The following EVI2B variants were observed in gnomAD, a reference collection of about 807,000 sequenced individuals.
EVI2B encodes ecotropic viral integration site 2B.
A neutral mutation model predicts 6.6 loss-of-function variants in EVI2B; 4 were observed. The ratio of observed to expected loss-of-function variants is 0.61; its 90% confidence interval spans 0.30 to 1.39. The LOEUF (loss-of-function observed/expected upper bound fraction) is 1.39, where lower values mean the gene tolerates loss of function less well. EVI2B is among the 40% of genes most tolerant of loss of function. The pLI is 0.08. For synonymous variants in EVI2B, 181 were observed against 186.8 expected (o/e 0.97, Z 0.25); for missense variants, 484 against 516.6 (o/e 0.94, Z 0.61).
rs936221067 is a variant in EVI2B at position 31,304,202 on chromosome 17, C to T, written c.*61G>A. 6.8e-7 allele frequency: 1 copy of T among 1,466,938 alleles called. No homozygotes were observed. Among genetic ancestry groups the T allele is most frequent in the Non-Finnish European group, 9.2e-7 (1 of 1,089,590 alleles). 90.9% of individuals were successfully genotyped at this position (1,466,938 alleles called of 1,614,324 possible). On this transcript the variant is annotated 3_prime_UTR_variant, in exon 2 of 2. Transcript: ENST00000330927. ...TCAGTTGCCATTTTATATATGTTAACATATAAAGAAAAAAGAGTCATTTGA... is the reference window on the plus strand; with the variant it reads ...TCAGTTGCCATTTTATATATGTTAATATATAAAGAAAAAAGAGTCATTTGA...
At chr17:31,313,722 ATGTG>A (rs60267436) in intron 1 of EVI2B, among the ~76,000 whole-genome samples, 13,693 of 138,918 alleles carry the variant, frequency 0.099, 1,774 homozygotes, top group African/African-American at 0.31. Flanking sequence ...AAAAAAAAAT[ATGTG>A]TGTGTGTGTG....
rs554690318 is a variant in EVI2B, at chr17:31,311,360, G to A, written c.-22+2619C>T. Among the ~76,000 whole-genome samples, 7 of 152,308 alleles carry A rather than the reference G, an allele frequency of 4.6e-5. No homozygotes were observed. In the South Asian group the frequency reaches 1.4e-3, roughly 32 times the overall value. On this transcript the variant is annotated intron_variant, in intron 1 of 1. Coordinates refer to ENST00000330927, the MANE Select transcript of EVI2B (RefSeq NM_006495.4). ...AGGAAGTATGCCATTATCTTTTAAA[G>A]AGAATCAAGATTTGGAGAGCATATC...
rs1408556565 is a variant in EVI2B, at chr17:31,304,282, G to A, written c.1328C>T (p.Pro443Leu). 1 of 1,610,704 alleles carries A rather than the reference G, an allele frequency of 6.2e-7. No individual in the cohort carries two copies. Among genetic ancestry groups the A allele is most frequent in the South Asian group, 1.1e-5 (1 of 90,600 alleles). Residue 443 changes from proline to leucine, a missense_variant, in exon 2 of 2, where the codon CCA becomes CTA. Coordinates refer to ENST00000330927, the MANE Select transcript of EVI2B (RefSeq NM_006495.4). ...DQDLNESLPP[P>L]PAELL Reference sequence around the variant, plus strand: ...TAATATTTATAACAGTTCTGCAGGTGGAGGTGGCAGGGATTCATTAAGATC... The same window carrying A: ...TAATATTTATAACAGTTCTGCAGGTAGAGGTGGCAGGGATTCATTAAGATC...
In EVI2B at chr17:31,304,788, G is replaced by T. The variant is rs1225776340; in HGVS notation, c.822C>A (p.Pro274=). 1 of 1,613,970 alleles carries T rather than the reference G, an allele frequency of 6.2e-7. No individual in the cohort carries two copies. The highest frequency in any genetic ancestry group is 8.5e-7 in the Non-Finnish European group (1 of 1,180,002). Residue 274 remains proline (P), a synonymous_variant, in exon 2 of 2, where the codon CCC becomes CCA. Transcript: ENST00000330927. The stretch of plus-strand genomic sequence containing the variant: ...AAAGTGTGCTTTTGCTTGGTTTCCA[G>T]GGTGTAAGTGAAATGATTGATGTAC... The part of the protein sequence containing the change: ...TKRTSIISLT[P]WKPSKSTLLA...
rs759551298 is a variant in EVI2B at position 31,304,945 on chromosome 17, A to G, written c.665T>C (p.Ile222Thr). The change falls in exon 2 of 2, where the codon ATT becomes ACT. Residue 222 changes from isoleucine to threonine, a missense_variant. Physicochemically the swap from Ile to Thr is moderately conservative, Grantham distance 89. Transcript: ENST00000330927. ...LTSMLVAIII[I>T]VLWKCLRKPV... ...TTTCCTTAAGCATTTCCAAAGTACA[A>G]TGATGATTATAGCTACCAACATAGA... The G allele has an allele frequency of 6.2e-7, 1 of 1,614,150 alleles. No individual in the cohort carries two copies. The highest frequency in any genetic ancestry group is 8.5e-7 in the Non-Finnish European group (1 of 1,180,026).
In EVI2B at chr17:31,304,090, T is replaced by C; in HGVS notation, c.*173A>G. Reference sequence around the variant, plus strand: ...AATTAGTAAATAGATTACTGTTAAATAACTTTTTTTAAAAAAAAGTTTCAT... The same window carrying C: ...AATTAGTAAATAGATTACTGTTAAACAACTTTTTTTAAAAAAAAGTTTCAT... On this transcript the variant is annotated 3_prime_UTR_variant, in exon 2 of 2. Transcript: ENST00000330927. The C allele has an allele frequency of 1.8e-6, 1 of 564,370 alleles. No homozygotes were observed. Among genetic ancestry groups the C allele is most frequent in the Non-Finnish European group, 3.0e-6 (1 of 330,012 alleles). The allele number at this position is 564,370 out of a possible 1,614,324, so 35.0% of individuals were successfully genotyped here.
intron 1 of EVI2B, among the ~76,000 whole-genome samples, chr17:31,306,701 A>C (rs1363011925): frequency 1.3e-5 from 2 of 152,112 alleles, no homozygotes; most frequent in Non-Finnish European, 2.9e-5. Context: ...GGTGGAGTAA[A>C]TTCAATCCAG....
chr17:31,312,952 A>G, intron 1 of EVI2B, among the ~76,000 whole-genome samples: 1 of 152,166 alleles, frequency 6.6e-6, no homozygotes, highest in East Asian at 1.9e-4. Flanking sequence ...CTTCTATCTT[A>G]TACTATGTTC....
At position 31,313,487 on chromosome 17, in the gene EVI2B, C is replaced by T. The variant is rs17883446; in HGVS notation, c.-22+492G>A. 9.0e-3 allele frequency among the ~76,000 whole-genome samples: 1,373 copies of T among 151,920 alleles called. 20 individuals are homozygous for T. The highest frequency in any genetic ancestry group is 0.032 in the African/African-American group (1,316 of 41,450). On this transcript the variant is annotated intron_variant, in intron 1 of 1. Transcript: ENST00000330927. ...GGGAGGCGGAGGTAAGCGGATCACCCAAGGTCAGGAGTAGGAGACCAGCCT... is the reference window on the plus strand; with the variant it reads ...GGGAGGCGGAGGTAAGCGGATCACCTAAGGTCAGGAGTAGGAGACCAGCCT...
chr17:31,312,604 A>T (rs2068907315), intron 1 of EVI2B, among the ~76,000 whole-genome samples: 1 of 152,050 alleles, frequency 6.6e-6, no homozygotes, highest in Admixed American at 6.5e-5. Flanking sequence ...ATGAAATATG[A>T]CAGTGAAAAA....
At chr17:31,309,142 G>A (rs1227823291) in intron 1 of EVI2B, among the ~76,000 whole-genome samples, 2 of 152,176 alleles carry the variant, frequency 1.3e-5, no homozygotes, top group Admixed American at 1.3e-4. Flanking sequence ...GACAGATTGG[G>A]AGTTTGTACC....
chr17:31,306,697 G>A (rs1174226903), intron 1 of EVI2B, among the ~76,000 whole-genome samples: 1 of 151,908 alleles, frequency 6.6e-6, no homozygotes, highest in Non-Finnish European at 1.5e-5. Context: ...ATCTGGTGGA[G>A]TAAATTCAAT....
chr17:31,312,564 A>G lies in EVI2B; in HGVS notation c.-22+1415T>C, dbSNP rs182699728. Among the ~76,000 whole-genome samples, 55 of 151,936 alleles carry G rather than the reference A, an allele frequency of 3.6e-4. 1 individual carries two copies. The highest frequency in any genetic ancestry group is 3.1e-3 in the Admixed American group (47 of 15,258). On this transcript the variant is annotated intron_variant, in intron 1 of 1. Transcript: ENST00000330927. ...TGGGATTCTATGACAAAAACACACCATAAGGATCGATGGGAAATTTTTTAA... is the reference window on the plus strand; with the variant it reads ...TGGGATTCTATGACAAAAACACACCGTAAGGATCGATGGGAAATTTTTTAA...
intron 1 of EVI2B, among the ~76,000 whole-genome samples, chr17:31,312,997 T>C (rs987027621): frequency 1.3e-5 from 2 of 152,192 alleles, no homozygotes; most frequent in African/African-American, 2.4e-5. Context: ...AACACGTAGA[T>C]GATATTAATA....
chr17:31,305,606 C>G lies in EVI2B; in HGVS notation c.4G>C (p.Asp2His). The G allele has an allele frequency of 6.2e-7, 1 of 1,610,648 alleles. No individual in the cohort carries two copies. The highest frequency in any genetic ancestry group is 8.5e-7 in the Non-Finnish European group (1 of 1,178,052). M[D>H]PKYFILILFC... ...AAAATTAAGATGAAATATTTGGGAT[C>G]CATTTCAGAATATTTCCTCGTTATC... The change falls in exon 2 of 2, where the codon GAT (aspartate) becomes CAT (histidine). Residue 2 changes from aspartate to histidine, a missense_variant. By Grantham distance (81) the Asp-to-His change is moderately conservative. Coordinates refer to ENST00000330927, the MANE Select transcript of EVI2B (RefSeq NM_006495.4).
chr17:31,304,084 G>C lies in EVI2B; in HGVS notation c.*179C>G. On this transcript the variant is annotated 3_prime_UTR_variant, in exon 2 of 2. Coordinates refer to ENST00000330927, the MANE Select transcript of EVI2B (RefSeq NM_006495.4). ...TACTATAATTAGTAAATAGATTACT[G>C]TTAAATAACTTTTTTTAAAAAAAAG... 1 of 548,962 alleles carries C rather than the reference G, an allele frequency of 1.8e-6. No homozygotes were observed. Among genetic ancestry groups the C allele is most frequent in the Non-Finnish European group, 3.1e-6 (1 of 318,094 alleles). The allele number at this position is 548,962 out of a possible 1,614,324, so 34.0% of individuals were successfully genotyped here.
In EVI2B at chr17:31,304,844, T is replaced by TA; in HGVS notation, c.765dup (p.Asn256Ter). 6.2e-7 allele frequency: 1 copy of TA among 1,614,078 alleles called. No individual in the cohort carries two copies. Among genetic ancestry groups the TA allele is most frequent in the Non-Finnish European group, 8.5e-7 (1 of 1,180,022 alleles). ...GTGGATATTTCATTTTCTCTGATGT[T>TA]ATCCATACAAATGTCAGGGGTTTCT... On this transcript the variant is annotated frameshift_variant, in exon 2 of 2. Transcript: ENST00000330927. LOFTEE classifies it high-confidence loss of function.
intron 1 of EVI2B, among the ~76,000 whole-genome samples, chr17:31,307,108 C>T (rs148241795): frequency 2.0e-5 from 3 of 152,110 alleles, no homozygotes; most frequent in Non-Finnish European, 2.9e-5. Flanking sequence ...CTGCAAATTC[C>T]GCTTCCCAGG....
At position 31,304,469 on chromosome 17, in the gene EVI2B, T is replaced by G; in HGVS notation, c.1141A>C (p.Asn381His). ...TSLPPSLDCL[N>H]QDCGDHKSEI... ...GATTTATGATCTCCACAGTCTTGAT[T>G]GAGACAGTCCAGAGATGGAGGGAGA... Residue 381 changes from asparagine (N) to histidine (H), a missense_variant, in exon 2 of 2, where the codon AAT becomes CAT. By Grantham distance (68) the Asn-to-His change is moderately conservative (BLOSUM62 1). Transcript: ENST00000330927. The G allele has an allele frequency of 1.2e-6, 2 of 1,614,150 alleles. No individual in the cohort carries two copies. The highest frequency in any genetic ancestry group is 1.7e-6 in the Non-Finnish European group (2 of 1,179,998).
Sources: allele counts gnomAD v4.1 joint callset (sites outside exome capture counted in the v4.1 genomes callset), GRCh38; gene constraint gnomAD v4.1.1; transcripts MANE v1.5; gene names NCBI Gene and HGNC (gene_info 2026-07-23, HGNC 2026-07-21).